WNT2B: variants seen among roughly 807,000 people sequenced by gnomAD.
The protein encoded by WNT2B is Wnt family member 2B, also known as protein Wnt-2b.
WNT2B carries 19 observed loss-of-function variants against 40.5 expected under a neutral mutation model. The ratio of observed to expected loss-of-function variants is 0.47; its 90% CI spans 0.33 to 0.69. The LOEUF is 0.69. Among genes scored for constraint, WNT2B ranks in the 30% least tolerant of loss-of-function variants. The pLI, the probability that WNT2B is intolerant of heterozygous loss-of-function variation, is 0.02. For missense variants in WNT2B, 467 were observed against 556.4 expected, an observed-to-expected ratio of 0.84 and a Z score of 1.62; for synonymous variants, 220 against 211.9, an observed-to-expected ratio of 1.04 and a Z score of -0.33.
chr1:112,491,272 G>A (rs189520321), intron 1 of WNT2B, among the ~76,000 whole-genome samples: 1 of 152,278 alleles, frequency 6.6e-6, no homozygotes, highest in Non-Finnish European at 1.5e-5. Flanking sequence ...GCTGGGCGTG[G>A]TGGTGGGCGC....
chr1:112,480,212 C>A (rs1651182794), intron 1 of WNT2B, among the ~76,000 whole-genome samples: 1 of 151,688 alleles, frequency 6.6e-6, no homozygotes, highest in South Asian at 2.1e-4. Flanking sequence ...ACTAAAAATA[C>A]AAAAATTAGC....
At chr1:112,497,352 CA>C (rs1402308858) in intron 1 of WNT2B, among the ~76,000 whole-genome samples, 1 of 152,222 alleles carries the variant, frequency 6.6e-6, no homozygotes, top group Non-Finnish European at 1.5e-5. Flanking sequence ...GCCATGCCTC[CA>C]CAGCTCTTGC....
chr1:112,492,123 T>G (rs1183364887), intron 1 of WNT2B, among the ~76,000 whole-genome samples: 4 of 152,120 alleles, frequency 2.6e-5, no homozygotes, highest in African/African-American at 4.8e-5. Context: ...TTCCACAATA[T>G]GTAAAGAAAC....
intron 1 of WNT2B, among the ~76,000 whole-genome samples, chr1:112,512,417 G>A (rs972768886): frequency 6.6e-6 from 1 of 152,150 alleles, no homozygotes; most frequent in Non-Finnish European, 1.5e-5. Flanking sequence ...CCTTGGGTGG[G>A]GCCTGAATGT....
intron 1 of WNT2B, among the ~76,000 whole-genome samples, chr1:112,469,513 A>C (rs1650807158): frequency 6.6e-6 from 1 of 152,074 alleles, no homozygotes; most frequent in Admixed American, 6.5e-5. Flanking sequence ...TTTGTTCATC[A>C]GTTTTATGTA....
intron 1 of WNT2B, among the ~76,000 whole-genome samples, chr1:112,473,804 C>G (rs969293136): frequency 6.6e-6 from 1 of 151,834 alleles, no homozygotes; most frequent in African/African-American, 2.4e-5. Flanking sequence ...TGCCTGTAAT[C>G]CCAGCACTTT....
chr1:112,491,741 A>T (rs1013533525), intron 1 of WNT2B, among the ~76,000 whole-genome samples: 4 of 152,132 alleles, frequency 2.6e-5, no homozygotes, highest in Admixed American at 6.6e-5. Flanking sequence ...AAATAAAAAA[A>T]TTAGCTAGGT....
Position 112,514,938 on chromosome 1 carries a change from C to G in WNT2B, c.247C>G (p.Arg83Gly). 1 of 1,614,190 alleles carries G rather than the reference C, an allele frequency of 6.2e-7. No individual in the cohort carries two copies. The highest frequency in any genetic ancestry group is 8.5e-7 in the Non-Finnish European group (1 of 1,180,034). ...TATCCCTGGTTTGGTGAGCCGGCAG[C>G]GGCAGCTGTGCCAGCGTTACCCAGA... is the stretch of plus-strand genomic sequence containing the variant. ...DNIPGLVSRQ[R>G]QLCQRYPDIM... is the part of the protein sequence containing the mutation. The change falls in exon 2 of 5, where the codon CGG (arginine) becomes GGG (glycine). Residue 83 changes from arginine (R) to glycine (G), a missense_variant. Physicochemically the swap from Arg to Gly is moderately radical, Grantham distance 125. This residue lies in a region of WNT2B where 137 missense variants were observed against 117.7 expected (regional missense o/e 1.16). Transcript: ENST00000369684.
exon 1 of WNT2B, chr1:112,467,408 G>A: frequency 3.1e-6 from 2 of 645,834 alleles, no homozygotes; most frequent in East Asian, 5.4e-5. Flanking sequence ...TCACTGGCAT[G>A]GCCCCTTCCA....
At chr1:112,484,222 T>C (rs904115395) in intron 1 of WNT2B, among the ~76,000 whole-genome samples, 2 of 123,374 alleles carry the variant, frequency 1.6e-5, no homozygotes, top group South Asian at 2.3e-4. Flanking sequence ...TATATACACA[T>C]ATATATATAC....
At chr1:112,503,252 C>T (rs987784215) in intron 1 of WNT2B, among the ~76,000 whole-genome samples, 7 of 152,110 alleles carry the variant, frequency 4.6e-5, no homozygotes, top group African/African-American at 1.2e-4. Context: ...AGCAGAAAGA[C>T]GGTCGGTCCC....
intron 1 of WNT2B, among the ~76,000 whole-genome samples, chr1:112,467,880 C>T (rs1351605233): frequency 6.6e-6 from 1 of 152,154 alleles, no homozygotes; most frequent in African/African-American, 2.4e-5. Context: ...TCACCCTATT[C>T]TGCTATCAAA....
At chr1:112,492,781 C>G (rs963783032) in intron 1 of WNT2B, among the ~76,000 whole-genome samples, 10 of 152,104 alleles carry the variant, frequency 6.6e-5, no homozygotes, top group African/African-American at 2.4e-4. Flanking sequence ...AAATTCCATC[C>G]CACTCTAACC....
Position 112,523,510 on chromosome 1 carries a change from C to T in WNT2B, c.*3001C>T, listed in dbSNP as rs1652994555. ...TTAGTCTGCATTACACAAATAGACA[C>T]TAATTTATTTGGAACAAGCAGCAAA... On this transcript the variant is annotated 3_prime_UTR_variant, in exon 5 of 5. Coordinates refer to ENST00000369684, the MANE Select transcript of WNT2B (RefSeq NM_024494.3). 1 of 152,144 alleles carries T rather than the reference C, an allele frequency of 6.6e-6. No homozygotes were observed. Among genetic ancestry groups the T allele is most frequent in the Non-Finnish European group, 1.5e-5 (1 of 68,042 alleles). The allele number at this position is 152,144 out of a possible 1,614,324, so 9.4% of individuals were successfully genotyped here.
chr1:112,505,841 A>T (rs1280663601), upstream of WNT2B, among the ~76,000 whole-genome samples: 1 of 152,222 alleles, frequency 6.6e-6, no homozygotes, highest in Non-Finnish European at 1.5e-5. Flanking sequence ...GAAGGAGCCA[A>T]GCCTCATCCT....
intron 1 of WNT2B, among the ~76,000 whole-genome samples, chr1:112,493,571 G>C (rs1651671089): frequency 1.3e-5 from 2 of 152,028 alleles, no homozygotes; most frequent in South Asian, 4.2e-4. Context: ...GCAATGAGCT[G>C]TGATCACACC....
intron 1 of WNT2B, among the ~76,000 whole-genome samples, chr1:112,477,099 C>A (rs1302252453): frequency 6.6e-6 from 1 of 152,192 alleles, no homozygotes; most frequent in Admixed American, 6.5e-5. Flanking sequence ...CAGGAAAATG[C>A]CAGCAGCCTT....
At chr1:112,495,923 G>A (rs1396579353) in intron 1 of WNT2B, among the ~76,000 whole-genome samples, 9 of 152,070 alleles carry the variant, frequency 5.9e-5, no homozygotes, top group Non-Finnish European at 1.2e-4. Flanking sequence ...GAGGACTGCT[G>A]GATCTTCACA....
chr1:112,474,232 G>A (rs765071043), intron 1 of WNT2B, among the ~76,000 whole-genome samples: 20 of 152,036 alleles, frequency 1.3e-4, no homozygotes, highest in Middle Eastern at 3.4e-3. Context: ...TGCAACCTCC[G>A]CCTCCCGGGT....
Sources: gnomAD v4.1 joint callset for allele counts (sites outside exome capture counted in the v4.1 genomes callset) on GRCh38, gnomAD v4.1.1 for gene constraint, gnomAD v4.1.1 regional missense constraint, MANE v1.5 for transcripts, NCBI Gene and HGNC (gene_info 2026-07-23, HGNC 2026-07-21) for gene names.